Variants in MSI2 observed in about 807,000 individuals in gnomAD.
MSI2 encodes the protein musashi RNA binding protein 2.
In MSI2, 17 loss-of-function variants were observed where a neutral mutation model predicts 45.6. That is an observed-to-expected ratio of 0.37 (90% confidence interval 0.26 to 0.56). The LOEUF is 0.56. MSI2 is among the 20% of genes least tolerant of loss of function. The pLI is 0.77. For missense variants in MSI2, 293 were observed against 444.2 expected (o/e 0.66, Z 3.06); for synonymous variants, 156 against 158.2 (o/e 0.99, Z 0.11).
At chr17:57,480,997 G>C (rs1370339564) in intron 6 of MSI2, among the ~76,000 whole-genome samples, 2 of 152,190 alleles carry the variant, frequency 1.3e-5, no homozygotes, top group African/African-American at 4.8e-5. Flanking sequence ...ATTGATAAGG[G>C]AGACTCATAG....
chr17:57,540,831 T>G (rs2087028195), intron 7 of MSI2, among the ~76,000 whole-genome samples: 1 of 152,236 alleles, frequency 6.6e-6, no homozygotes, highest in African/African-American at 2.4e-5. Flanking sequence ...TTTCTGTTGT[T>G]TTAAGCTCCC....
intron 6 of MSI2, among the ~76,000 whole-genome samples, chr17:57,527,464 C>CGG (rs113683784): frequency 0.022 from 3,110 of 144,366 alleles, 52 homozygotes; most frequent in South Asian, 0.094. Flanking sequence ...AGGTTACCGT[C>CGG]GGCGGGGGCT....
At chr17:57,411,685 C>T (rs541017769) in intron 6 of MSI2, among the ~76,000 whole-genome samples, 1 of 151,994 alleles carries the variant, frequency 6.6e-6, no homozygotes, top group Admixed American at 6.6e-5. Flanking sequence ...TTTGGGGTGG[C>T]CCTGACCAGT....
intron 8 of MSI2, among the ~76,000 whole-genome samples, chr17:57,609,507 G>A (rs1273664825): frequency 2.6e-5 from 4 of 152,258 alleles, no homozygotes; most frequent in African/African-American, 9.6e-5. Context: ...GGCCTCTTCA[G>A]GCCAAACAGG....
intron 10 of MSI2, among the ~76,000 whole-genome samples, chr17:57,641,851 A>T (rs1448484621): frequency 6.6e-6 from 1 of 152,206 alleles, no homozygotes; most frequent in Non-Finnish European, 1.5e-5. Context: ...GAGGAGCCAC[A>T]GGCTGCTGGC....
chr17:57,583,748 A>G lies in MSI2; in HGVS notation c.455-13120A>G, dbSNP rs190237489. Among the ~76,000 whole-genome samples the G allele has an allele frequency of 9.8e-5, 15 of 152,334 alleles. 1 individual carries two copies. The East Asian group carries it at 2.9e-3, about 29-fold the overall frequency. On this transcript the variant is annotated intron_variant, in intron 7 of 13. Coordinates refer to ENST00000284073, the MANE Select transcript of MSI2 (RefSeq NM_138962.4). The stretch of plus-strand genomic sequence containing the variant: ...CTTGGCCTCCCAAAGTGCTGGGATC[A>G]CAGACATGAGCCACCAAACCCAACC...
At chr17:57,337,900 C>T (rs1209364534) in intron 5 of MSI2, among the ~76,000 whole-genome samples, 24 of 152,068 alleles carry the variant, frequency 1.6e-4, no homozygotes, top group Admixed American at 1.2e-3. Context: ...ATTAGAATCA[C>T]GCTGTGTTGT....
intron 6 of MSI2, among the ~76,000 whole-genome samples, chr17:57,442,999 C>G (rs965696569): frequency 2.0e-5 from 3 of 152,350 alleles, no homozygotes; most frequent in African/African-American, 7.2e-5. Flanking sequence ...AGCACCTTCC[C>G]TGCTCTGAGG....
intron 5 of MSI2, among the ~76,000 whole-genome samples, chr17:57,376,412 TG>T (rs2083497721): frequency 6.6e-6 from 1 of 152,218 alleles, no homozygotes; most frequent in Non-Finnish European, 1.5e-5. Context: ...TGCAAGCTGG[TG>T]TCCACTTGGA....
chr17:57,689,531 A>G (rs1207617099), downstream of MSI2, among the ~76,000 whole-genome samples: 1 of 152,192 alleles, frequency 6.6e-6, no homozygotes, highest in African/African-American at 2.4e-5. Flanking sequence ...TAAAAATCAG[A>G]TACATTGAGG....
At chr17:57,616,280 C>G in intron 9 of MSI2, 196 bp downstream of exon 9, 1 of 531,912 alleles carries the variant, frequency 1.9e-6, no homozygotes, top group Non-Finnish European at 3.3e-6. Flanking sequence ...TGTGTGCATG[C>G]ATGTGTGTGT....
At chr17:57,697,389 G>A in the MSI2 span, among the ~76,000 whole-genome samples, 3 of 151,674 alleles carry the variant, frequency 2.0e-5, no homozygotes, top group Admixed American at 6.6e-5. Flanking sequence ...ACAGCTTCAC[G>A]CACTCCTGCT....
chr17:57,538,234 G>T (rs549860594), intron 7 of MSI2, among the ~76,000 whole-genome samples: 1 of 152,190 alleles, frequency 6.6e-6, no homozygotes, highest in African/African-American at 2.4e-5. Context: ...GGCCGGAGAG[G>T]GCTGGGCCAG....
At chr17:57,408,398 A>T (rs2084124135) in intron 6 of MSI2, among the ~76,000 whole-genome samples, 1 of 152,244 alleles carries the variant, frequency 6.6e-6, no homozygotes, top group Non-Finnish European at 1.5e-5. Context: ...TGCTAATCAA[A>T]TGCCATGTGC....
chr17:57,672,527 C>T (rs1912874187), intron 11 of MSI2, among the ~76,000 whole-genome samples: 1 of 152,208 alleles, frequency 6.6e-6, no homozygotes, highest in Non-Finnish European at 1.5e-5. Context: ...GGCTCTCCTG[C>T]TGGAAGAAAC....
rs537888260 is a variant in MSI2 at position 57,454,187 on chromosome 17, T to C, written c.405+52716T>C. 6.2e-4 allele frequency among the ~76,000 whole-genome samples: 95 copies of C among 152,276 alleles called. No individual in the cohort carries two copies. The Middle Eastern group carries it at 0.02, about 33-fold the overall frequency. ...CAGTATGTTATTGAAATGATGGAGC[T>C]CGGGGCGGAGTGATGATTAATAGTG... is the stretch of plus-strand genomic sequence containing the variant. On this transcript the variant is annotated intron_variant, in intron 6 of 13. Transcript: ENST00000284073.
At chr17:57,584,488 C>T (rs561239871) in intron 7 of MSI2, among the ~76,000 whole-genome samples, 4 of 152,254 alleles carry the variant, frequency 2.6e-5, no homozygotes, top group South Asian at 2.1e-4. Flanking sequence ...CTGTGGGGGG[C>T]GCGGAGGGAG....
At chr17:57,458,195 G>T (rs1161834485) in intron 6 of MSI2, among the ~76,000 whole-genome samples, 1 of 150,978 alleles carries the variant, frequency 6.6e-6, no homozygotes, top group Non-Finnish European at 1.5e-5. Flanking sequence ...CCGCCTCCCG[G>T]GATCACGCCA....
chr17:57,320,857 C>A (rs1913274717), intron 5 of MSI2, among the ~76,000 whole-genome samples: 1 of 152,070 alleles, frequency 6.6e-6, no homozygotes, highest in Non-Finnish European at 1.5e-5. Context: ...AGGGCTCTGG[C>A]AGCTGTCTCA....
Sources: gnomAD v4.1 joint callset for allele counts (sites outside exome capture counted in the v4.1 genomes callset) on GRCh38, gnomAD v4.1.1 for gene constraint, MANE v1.5 for transcripts, NCBI Gene and HGNC (gene_info 2026-07-23, HGNC 2026-07-21) for gene names.